ANK3: variants seen among roughly 807,000 people sequenced by gnomAD.
The protein encoded by ANK3 is ankyrin-3.
Under a neutral mutation model 370.9 loss-of-function variants are expected in ANK3, and 57 were observed. The ratio of observed to expected loss-of-function variants is 0.15; its 90% CI spans 0.12 to 0.19. The LOEUF is 0.19. ANK3 is among the 10% of genes least tolerant of loss of function. ANK3 has a pLI of 1.00. For synonymous variants in ANK3, 1,929 were observed against 1,946.3 expected (o/e 0.99, Z 0.23); for missense variants, 4,439 against 5,302.1 (o/e 0.84, Z 5.06).
intron 2 of ANK3, among the ~76,000 whole-genome samples, chr10:60,441,081 G>A (rs1156381221): frequency 2.0e-5 from 3 of 152,056 alleles, no homozygotes; most frequent in Non-Finnish European, 4.4e-5. Flanking sequence ...AGAAACAGAA[G>A]GCAGGAAAAA....
intron 11 of ANK3, among the ~76,000 whole-genome samples, chr10:60,204,912 A>G (rs2096738194): frequency 6.6e-6 from 1 of 152,134 alleles, no homozygotes. Flanking sequence ...GTTCTAAAGG[A>G]CGTGCAGGAT....
At chr10:60,050,290 AT>A (rs2077692283) in intron 42 of ANK3, among the ~76,000 whole-genome samples, 1 of 152,320 alleles carries the variant, frequency 6.6e-6, no homozygotes, top group East Asian at 1.9e-4. Flanking sequence ...AAGGAACCCT[AT>A]TGAGCTTACA....
chr10:60,333,244 C>T (rs1014128856), intron 1 of ANK3, among the ~76,000 whole-genome samples: 2 of 152,056 alleles, frequency 1.3e-5, no homozygotes, highest in Non-Finnish European at 2.9e-5. Flanking sequence ...TGGTTTGCTG[C>T]ACCCATCAAC....
chr10:60,691,740 G>C lies in ANK3; in HGVS notation c.57+41523C>G, dbSNP rs560335306. Among the ~76,000 whole-genome samples, 9 of 152,200 alleles carry C rather than the reference G, an allele frequency of 5.9e-5. No individual in the cohort carries two copies. In the South Asian group the frequency reaches 1.7e-3, roughly 28 times the overall value. On this transcript the variant is annotated intron_variant, in intron 1 of 43. Transcript: ENST00000373827. Reference sequence around the variant, plus strand: ...TTCTAACACAGCAATACCAAATACAGTATCTGCATTTTAATTCCTAACCCT... The same window carrying C: ...TTCTAACACAGCAATACCAAATACACTATCTGCATTTTAATTCCTAACCCT...
At chr10:60,411,813 A>T (rs2063565915) in intron 2 of ANK3, among the ~76,000 whole-genome samples, 1 of 152,178 alleles carries the variant, frequency 6.6e-6, no homozygotes. Flanking sequence ...GAAAGTACTC[A>T]TGAGATTTTG....
chr10:60,483,991 G>A (rs569277886), intron 2 of ANK3, among the ~76,000 whole-genome samples: 1 of 152,190 alleles, frequency 6.6e-6, no homozygotes, highest in Non-Finnish European at 1.5e-5. Context: ...AAGATAAGGA[G>A]CCTGGACTTC....
intron 7 of ANK3, among the ~76,000 whole-genome samples, chr10:60,243,695 A>G (rs2097508803): frequency 6.6e-6 from 1 of 152,260 alleles, no homozygotes; most frequent in Non-Finnish European, 1.5e-5. Context: ...TAGATGTTAT[A>G]TTATTTGTAT....
chr10:60,531,981 T>C (rs1253670010), intron 2 of ANK3, among the ~76,000 whole-genome samples: 1 of 152,144 alleles, frequency 6.6e-6, no homozygotes, highest in East Asian at 1.9e-4. Flanking sequence ...CTCTGCAGAC[T>C]GGCTGCAGAC....
chr10:60,159,648 A>G (rs1267913147), intron 23 of ANK3, among the ~76,000 whole-genome samples: 8 of 152,192 alleles, frequency 5.3e-5, no homozygotes, highest in African/African-American at 1.9e-4. Context: ...ATTCTCAAGG[A>G]TAGACCACAT....
chr10:60,724,353 A>C (rs1301000215), intron 1 of ANK3, among the ~76,000 whole-genome samples: 1 of 152,026 alleles, frequency 6.6e-6, no homozygotes, highest in Non-Finnish European at 1.5e-5. Flanking sequence ...TCTACTACAA[A>C]AAGGTGATCT....
chr10:60,054,404 C>CATTA (rs2078712461), intron 42 of ANK3, among the ~76,000 whole-genome samples: 1 of 152,048 alleles, frequency 6.6e-6, no homozygotes, highest in African/African-American at 2.4e-5. Flanking sequence ...AAAACAAAAC[C>CATTA]ATTAATAAAA....
intron 2 of ANK3, among the ~76,000 whole-genome samples, chr10:60,432,854 GAA>G (rs1414058300): frequency 6.6e-6 from 1 of 152,116 alleles, no homozygotes; most frequent in Non-Finnish European, 1.5e-5. Context: ...GCTGTTCTGA[GAA>G]AGTCATTTAC....
At chr10:60,390,935 C>A (rs1411661822), upstream of ANK3, among the ~76,000 whole-genome samples, 1 of 152,144 alleles carries the variant, frequency 6.6e-6, no homozygotes, top group Non-Finnish European at 1.5e-5. Flanking sequence ...AGCACCAAGT[C>A]CAATGCATCA....
chr10:60,179,577 C>T (rs1194310668), intron 18 of ANK3, among the ~76,000 whole-genome samples: 1 of 151,974 alleles, frequency 6.6e-6, no homozygotes, highest in East Asian at 1.9e-4. Context: ...TGCCTGTAGT[C>T]CCAGCTACTC....
At position 60,378,416 on chromosome 10, in the gene ANK3, C is replaced by T. The variant is rs77012121; in HGVS notation, c.114+11009G>A. Among the ~76,000 whole-genome samples, 330 of 152,060 alleles carry T rather than the reference C, an allele frequency of 2.2e-3. 8 individuals carry two copies. In the East Asian group the frequency reaches 0.053, roughly 25 times the overall value. On this transcript the variant is annotated intron_variant, in intron 1 of 43. Transcript: ENST00000280772. ...GTGGGAATAGACTCATTTCAAAAAG[C>T]AAAAAATTGACACTATCAGACTTAA...
chr10:60,475,899 A>T (rs1262427448), intron 2 of ANK3, among the ~76,000 whole-genome samples: 3 of 152,190 alleles, frequency 2.0e-5, no homozygotes, highest in Non-Finnish European at 4.4e-5. Flanking sequence ...GATATATTCC[A>T]ACTCCACCTA....
intron 2 of ANK3, among the ~76,000 whole-genome samples, chr10:60,531,644 G>C (rs1364609007): frequency 4.0e-5 from 6 of 151,260 alleles, no homozygotes; most frequent in Admixed American, 1.3e-4. Context: ...GAATATATCA[G>C]CTATTTCAAA....
At chr10:60,476,310 T>C (rs1471359505) in intron 2 of ANK3, among the ~76,000 whole-genome samples, 1 of 152,182 alleles carries the variant, frequency 6.6e-6, no homozygotes, top group East Asian at 1.9e-4. Flanking sequence ...ATGCTCGAAA[T>C]ATGGCAGCCC....
In ANK3 at chr10:60,266,211, T is replaced by C. The variant is rs114308498; in HGVS notation, c.514-2191A>G. On this transcript the variant is annotated intron_variant, in intron 5 of 43. Transcript: ENST00000280772. ...GGTTTACACTTAAAGACAGGAACTT[T>C]AGGATATAACAAGAAAAGTAGTCTA... is the stretch of plus-strand genomic sequence containing the variant. Among the ~76,000 whole-genome samples the C allele has an allele frequency of 8.9e-3, 1,361 of 152,304 alleles. 23 individuals carry two copies. The highest frequency in any genetic ancestry group is 0.031 in the African/African-American group (1,308 of 41,560).
Sources: allele counts gnomAD v4.1 joint callset (sites outside exome capture counted in the v4.1 genomes callset), GRCh38; gene constraint gnomAD v4.1.1; transcripts MANE v1.5; gene names NCBI Gene and HGNC (gene_info 2026-07-23, HGNC 2026-07-21).